HS6ST2: variants seen among roughly 807,000 people sequenced by gnomAD.
HS6ST2 encodes heparan sulfate 6-O-sulfotransferase 2.
In HS6ST2, 17 loss-of-function variants were observed where a neutral mutation model predicts 33.0. The observed-to-expected ratio is 0.52, with a 90% CI of 0.35 to 0.77. The LOEUF is 0.77. Among genes scored for constraint, HS6ST2 ranks in the 30% least tolerant of loss-of-function variants. HS6ST2 has a pLI of 0.01. For missense variants in HS6ST2, 519 were observed against 551.7 expected, an observed-to-expected ratio of 0.94 and a Z score of 0.59; for synonymous variants, 248 against 237.1, an observed-to-expected ratio of 1.05 and a Z score of -0.42.
At chrX:132,824,090 G>A (rs2065492319) in intron 2 of HS6ST2, among the ~76,000 whole-genome samples, 1 of 110,879 alleles carries the variant, frequency 9.0e-6, no homozygotes, top group African/African-American at 3.3e-5. Context: ...AAGTGGAATA[G>A]TCAACATGGA....
intron 3 of HS6ST2, among the ~76,000 whole-genome samples, chrX:132,692,541 A>C (rs777039211): frequency 1.5e-4 from 16 of 110,011 alleles, no homozygotes; most frequent in Non-Finnish European, 2.1e-4. Context: ...TCCGAGATGG[A>C]ACCTGGCCTT....
chrX:132,871,498 C>G (rs1602782762), intron 2 of HS6ST2, among the ~76,000 whole-genome samples: 3 of 111,875 alleles, frequency 2.7e-5, no homozygotes, highest in African/African-American at 9.7e-5. Context: ...TATTGCAGCA[C>G]TGTTCACAAT....
chrX:132,755,943 T>C (rs1040851078), intron 2 of HS6ST2, among the ~76,000 whole-genome samples: 2 of 112,113 alleles, frequency 1.8e-5, no homozygotes, highest in African/African-American at 6.5e-5. Context: ...CCAACTGAAT[T>C]TGTTACTGCT....
chrX:132,848,349 G>A (rs751381159), intron 2 of HS6ST2, among the ~76,000 whole-genome samples: 30 of 112,666 alleles, frequency 2.7e-4, no homozygotes, highest in African/African-American at 3.9e-4. Flanking sequence ...ATGGCAATGA[G>A]CCTGTCATAG....
chrX:132,743,953 C>CTG (rs761435444), intron 2 of HS6ST2, among the ~76,000 whole-genome samples: 2,027 of 108,363 alleles, frequency 0.019, 21 homozygotes, highest in African/African-American at 0.039. Context: ...CTAATTTTGT[C>CTG]TGTGTGTGTG....
intron 2 of HS6ST2, among the ~76,000 whole-genome samples, chrX:132,785,480 C>G (rs182910304): frequency 8.9e-5 from 10 of 112,349 alleles, no homozygotes; most frequent in Non-Finnish European, 1.9e-4. Context: ...AATCTAATCT[C>G]TAGCATTGCT....
intron 2 of HS6ST2, among the ~76,000 whole-genome samples, chrX:132,924,016 T>G (rs1407994305): frequency 8.9e-6 from 1 of 112,186 alleles, no homozygotes. Flanking sequence ...AAAATATTTT[T>G]TACAATAACT....
At chrX:132,734,781 C>G (rs2064492905) in intron 2 of HS6ST2, among the ~76,000 whole-genome samples, 1 of 112,955 alleles carries the variant, frequency 8.9e-6, no homozygotes, top group Non-Finnish European at 1.9e-5. Flanking sequence ...CAAACCAAAG[C>G]ACCATCTTTA....
chrX:132,823,859 T>A (rs187835775), intron 2 of HS6ST2, among the ~76,000 whole-genome samples: 2,403 of 102,440 alleles, frequency 0.023, 58 homozygotes, highest in African/African-American at 0.082. Flanking sequence ...TAAAAAATAA[T>A]AATAATAATA....
At chrX:132,935,776 A>C (rs2066816896) in intron 2 of HS6ST2, among the ~76,000 whole-genome samples, 1 of 110,806 alleles carries the variant, frequency 9.0e-6, no homozygotes, top group East Asian at 2.8e-4. Flanking sequence ...TGTTTGATAC[A>C]AATGAAAATG....
chrX:132,650,123 G>T (rs759597182), intron 4 of HS6ST2, among the ~76,000 whole-genome samples: 1 of 111,765 alleles, frequency 8.9e-6, no homozygotes, highest in Non-Finnish European at 1.9e-5. Context: ...GGGAAGAGAA[G>T]ACTTGGACAT....
intron 2 of HS6ST2, among the ~76,000 whole-genome samples, chrX:132,773,244 CATATA>C (rs944077317): frequency 1.0e-5 from 1 of 100,193 alleles, no homozygotes; most frequent in Non-Finnish European, 2.0e-5. Context: ...ATAATATATA[CATATA>C]ATATATTTAT....
chrX:132,668,490 T>A (rs893964123), intron 4 of HS6ST2: 5 of 111,440 alleles, frequency 4.5e-5, no homozygotes, highest in African/African-American at 1.3e-4. Flanking sequence ...GCTGGTGTTG[T>A]CTTCTGGAAT....
intron 2 of HS6ST2, among the ~76,000 whole-genome samples, chrX:132,888,273 A>G (rs2066272803): frequency 1.8e-5 from 2 of 111,467 alleles, no homozygotes; most frequent in South Asian, 7.7e-4. Flanking sequence ...AGGCCGCACA[A>G]TCATGGTGGA....
intron 3 of HS6ST2, among the ~76,000 whole-genome samples, chrX:132,686,825 T>A (rs140060745): frequency 0.012 from 1,348 of 111,906 alleles, 22 homozygotes; most frequent in African/African-American, 0.04. Flanking sequence ...TAGGCCTTAT[T>A]GTATAAGTTC....
At chrX:132,807,090 C>T (rs1429257281) in intron 2 of HS6ST2, among the ~76,000 whole-genome samples, 3 of 109,858 alleles carry the variant, frequency 2.7e-5, no homozygotes, top group Admixed American at 9.7e-5. Flanking sequence ...TTTTAATGGC[C>T]GAAATGGCAA....
At chrX:132,888,097 A>G (rs952526995) in intron 2 of HS6ST2, among the ~76,000 whole-genome samples, 2 of 112,243 alleles carry the variant, frequency 1.8e-5, no homozygotes, top group Non-Finnish European at 3.8e-5. Context: ...ACAATTGCAC[A>G]ACTGTATAAA....
At chrX:132,937,021 CACAAAAATCAACAT>C (rs1406510494) in intron 2 of HS6ST2, among the ~76,000 whole-genome samples, 1 of 111,428 alleles carries the variant, frequency 9.0e-6, no homozygotes, top group Non-Finnish European at 1.9e-5. Context: ...AGTTGCAGGA[CACAAAAATCAACAT>C]ACAAAAGTCA....
chrX:132,880,676 G>T (rs748061810), intron 2 of HS6ST2, among the ~76,000 whole-genome samples: 1 of 105,099 alleles, frequency 9.5e-6, no homozygotes, highest in Non-Finnish European at 1.9e-5. Flanking sequence ...TGTGCACAAC[G>T]TGCAGCTTTG....
Sources: gnomAD v4.1 joint callset for allele counts (sites outside exome capture counted in the v4.1 genomes callset) on GRCh38, gnomAD v4.1.1 for gene constraint, MANE v1.5 for transcripts, NCBI Gene and HGNC (gene_info 2026-07-23, HGNC 2026-07-21) for gene names.